Variants in CDH8 observed in about 807,000 individuals in gnomAD.
CDH8 encodes cadherin 8.
Under a neutral mutation model 68.1 loss-of-function variants are expected in CDH8, and 17 were observed. That is an observed-to-expected ratio of 0.25 (90% confidence interval 0.17 to 0.37). The LOEUF (loss-of-function observed/expected upper bound fraction) is 0.37. Among genes scored for constraint, CDH8 ranks in the 10% least tolerant of loss-of-function variants. The probability of loss-of-function intolerance (pLI) is 1.00; values close to 1 mark genes in which losing one functional copy is unlikely to be tolerated. For synonymous variants in CDH8, 372 were observed against 365.1 expected, an observed-to-expected ratio of 1.02 and a Z score of -0.21; for missense variants, 763 against 999.3, an observed-to-expected ratio of 0.76 and a Z score of 3.19.
intron 2 of CDH8, among the ~76,000 whole-genome samples, chr16:61,917,126 G>C (rs1964252241): frequency 6.6e-6 from 1 of 150,482 alleles, no homozygotes; most frequent in Non-Finnish European, 1.5e-5. Context: ...GTCCTTGCAA[G>C]TTGGGAGTAG....
At chr16:61,811,087 G>T (rs200509349) in intron 7 of CDH8, among the ~76,000 whole-genome samples, 1 of 151,830 alleles carries the variant, frequency 6.6e-6, no homozygotes, top group East Asian at 1.9e-4. Flanking sequence ...TTTTTCTGGG[G>T]ATATTCAGCC....
chr16:61,658,475 C>T (rs1405408227), intron 10 of CDH8, among the ~76,000 whole-genome samples: 1 of 151,842 alleles, frequency 6.6e-6, no homozygotes, highest in East Asian at 1.9e-4. Flanking sequence ...TTGAGTTTCT[C>T]AATGTTAATT....
At chr16:61,906,036 G>C (rs1202185554) in intron 2 of CDH8, among the ~76,000 whole-genome samples, 1 of 152,082 alleles carries the variant, frequency 6.6e-6, no homozygotes, top group Non-Finnish European at 1.5e-5. Flanking sequence ...ATAGAGCAAG[G>C]AATTGAGGAA....
chr16:62,027,822 A>G (rs1275806010), intron 1 of CDH8, among the ~76,000 whole-genome samples: 2 of 152,178 alleles, frequency 1.3e-5, no homozygotes, highest in African/African-American at 4.8e-5. Context: ...CACCTTTCCT[A>G]AAGCCTTCAG....
chr16:61,959,984 GTATATATATA>G lies in CDH8; in HGVS notation c.253-58521_253-58512del, dbSNP rs1181394965. ...GTATGTGGTGTATGTGTGTGTGTGT[GTATATATATA>G]TATATATATATATATATATATACAC... On this transcript the variant is annotated intron_variant, in intron 2 of 11. Transcript: ENST00000577390. 1.5e-3 allele frequency among the ~76,000 whole-genome samples: 65 copies of G among 44,538 alleles called. 9 individuals are homozygous for G. Among genetic ancestry groups the G allele is most frequent in the Admixed American group, 1.9e-3 (8 of 4,314 alleles). The allele number at this position is 44,538 out of a possible 152,430, so 29.2% of individuals were successfully genotyped here.
At chr16:61,944,304 A>G (rs1004043608) in intron 2 of CDH8, among the ~76,000 whole-genome samples, 2 of 152,242 alleles carry the variant, frequency 1.3e-5, no homozygotes, top group African/African-American at 4.8e-5. Context: ...GCCAAATTAA[A>G]GAGTCTGGAT....
At chr16:61,985,974 A>T (rs1349712891) in intron 2 of CDH8, among the ~76,000 whole-genome samples, 1 of 122,890 alleles carries the variant, frequency 8.1e-6, no homozygotes, top group East Asian at 2.5e-4. Flanking sequence ...CCCAGACTGG[A>T]GTGCAGTGGC....
At chr16:62,012,284 T>C (rs1901832505) in intron 2 of CDH8, among the ~76,000 whole-genome samples, 2 of 152,212 alleles carry the variant, frequency 1.3e-5, no homozygotes, top group Non-Finnish European at 2.9e-5. Context: ...TAGTTTCCCA[T>C]TTAAAAAATC....
intron 8 of CDH8, among the ~76,000 whole-genome samples, chr16:61,739,884 C>CATATATATGTATATAT (rs1959812020): frequency 9.9e-6 from 1 of 101,476 alleles, no homozygotes. Context: ...CAACATATTC[C>CATATATATGTATATAT]ATATATATAT....
chr16:61,917,776 G>A (rs1368441394), intron 2 of CDH8, among the ~76,000 whole-genome samples: 1 of 152,052 alleles, frequency 6.6e-6, no homozygotes, highest in Non-Finnish European at 1.5e-5. Context: ...GAACAATTCT[G>A]GCAAGAAGTA....
chr16:61,761,942 A>T (rs760315446), intron 8 of CDH8, among the ~76,000 whole-genome samples: 1 of 152,250 alleles, frequency 6.6e-6, no homozygotes, highest in Non-Finnish European at 1.5e-5. Flanking sequence ...TTGAGGCTAC[A>T]GTGAGCTGAG....
chr16:61,779,025 A>G (rs935492061), intron 8 of CDH8, among the ~76,000 whole-genome samples: 1 of 152,204 alleles, frequency 6.6e-6, no homozygotes, highest in East Asian at 1.9e-4. Flanking sequence ...GTAGTGGGCC[A>G]GAGCAATGCA....
chr16:62,023,817 T>A (rs1395713372), intron 1 of CDH8, among the ~76,000 whole-genome samples: 2 of 152,136 alleles, frequency 1.3e-5, no homozygotes, highest in African/African-American at 2.4e-5. Context: ...GAAAAGGGAC[T>A]TAACTCTTTC....
At chr16:61,666,517 C>T (rs1265035501) in intron 10 of CDH8, among the ~76,000 whole-genome samples, 1 of 151,888 alleles carries the variant, frequency 6.6e-6, no homozygotes, top group Admixed American at 6.6e-5. Context: ...TGAGCTATGA[C>T]TTTTGGTTGT....
Position 61,647,947 on chromosome 16 carries a change from T to C in CDH8, c.*5661A>G. 1.5e-6 allele frequency: 1 copy of C among 668,316 alleles called. No homozygotes were observed. The highest frequency in any genetic ancestry group is 1.6e-5 in the South Asian group (1 of 61,856). 41.4% of individuals were successfully genotyped at this position (668,316 alleles called of 1,614,324 possible). On this transcript the variant is annotated 3_prime_UTR_variant, in exon 12 of 12. Coordinates refer to ENST00000577390, the MANE Select transcript of CDH8 (RefSeq NM_001796.5). ...TAGTAGGGATACTTGCAAGAAATAA[T>C]ACTTGCATTCAAGATGTGAATTAGA...
At chr16:61,951,798 GT>G (rs1964903321) in intron 2 of CDH8, among the ~76,000 whole-genome samples, 1 of 151,936 alleles carries the variant, frequency 6.6e-6, no homozygotes, top group Non-Finnish European at 1.5e-5. Flanking sequence ...TATTGAAAGG[GT>G]TATGATTTCC....
intron 10 of CDH8, among the ~76,000 whole-genome samples, chr16:61,664,151 A>G (rs1567409681): frequency 6.6e-6 from 1 of 151,802 alleles, no homozygotes; most frequent in Non-Finnish European, 1.5e-5. Context: ...CTTAGCCATA[A>G]TTTGAATTGT....
intron 3 of CDH8, among the ~76,000 whole-genome samples, chr16:61,879,905 T>C (rs1963537062): frequency 9.9e-6 from 1 of 100,864 alleles, no homozygotes; most frequent in Non-Finnish European, 1.8e-5. Context: ...TATGAGGTTT[T>C]TTGGGTTTTT....
chr16:61,849,391 TG>T (rs1342629838), intron 4 of CDH8, among the ~76,000 whole-genome samples: 1 of 152,090 alleles, frequency 6.6e-6, no homozygotes, highest in Non-Finnish European at 1.5e-5. Context: ...AACCACTCTT[TG>T]GCTTCCTCCC....
Sources: allele counts gnomAD v4.1 joint callset (sites outside exome capture counted in the v4.1 genomes callset), GRCh38; gene constraint gnomAD v4.1.1; transcripts MANE v1.5; gene names NCBI Gene and HGNC (gene_info 2026-07-23, HGNC 2026-07-21).